The following TACC3 variants were observed in gnomAD, a reference collection of about 807,000 sequenced individuals.
TACC3 encodes transforming acidic coiled-coil-containing protein 3.
In TACC3, 52 loss-of-function variants were observed where a neutral mutation model predicts 86.0. The ratio of observed to expected loss-of-function variants is 0.60; its 90% confidence interval spans 0.48 to 0.76. The LOEUF is 0.76. Among genes scored for constraint, TACC3 ranks in the 30% least tolerant of loss-of-function variants. TACC3 has a pLI of 0.00. For missense variants in TACC3, 1,120 were observed against 1,070.4 expected (o/e 1.05, Z -0.65); for synonymous variants, 512 against 430.0 (o/e 1.19, Z -2.36).
In TACC3 at chr4:1,735,014, C is replaced by G. The variant is rs1329716251; in HGVS notation, c.1592-259C>G. Among the ~76,000 whole-genome samples the G allele has an allele frequency of 6.6e-6, 1 of 152,258 alleles. No homozygotes were observed. The highest frequency in any genetic ancestry group is 1.5e-5 in the Non-Finnish European group (1 of 68,048). ...GAGCAGTTTTGCCCCCGCCTTTCCC[C>G]AGATGTTTGTGGTTGTCACACCTGG... On this transcript the variant is annotated intron_variant, in intron 6 of 15. Transcript: ENST00000313288. This position sits in a 1 kb window ranked among gnomAD's most constrained non-coding sequence, Gnocchi z 4.2.
intron 13 of TACC3, 124 bp from the exon 14 acceptor site, chr4:1,744,394 G>A: frequency 1.2e-6 from 1 of 832,804 alleles, no homozygotes; most frequent in Non-Finnish European, 1.9e-6. Flanking sequence ...AAGGAAAACG[G>A]GAGCTACTGG....
chr4:1,743,178 A>G (rs1395719911), intron 13 of TACC3, among the ~76,000 whole-genome samples: 2 of 125,644 alleles, frequency 1.6e-5, no homozygotes, highest in African/African-American at 6.2e-5. Flanking sequence ...AGGAGAATCA[A>G]TCAGGAGGTG....
intron 3 of TACC3, 23 bp downstream of exon 3, chr4:1,723,893 A>T (rs1470436243): frequency 6.2e-7 from 1 of 1,611,452 alleles, no homozygotes; most frequent in African/African-American, 1.3e-5. Context: ...GCTGCTGGAC[A>T]TGCTGGAGCT....
Position 1,739,782 on chromosome 4 carries a change from A to AGG in TACC3, c.2018+5_2018+6dup. 3 of 1,582,954 alleles carry AGG rather than the reference A, an allele frequency of 1.9e-6. No individual in the cohort carries two copies. Among genetic ancestry groups the AGG allele is most frequent in the Non-Finnish European group, 2.6e-6 (3 of 1,165,698 alleles). The stretch of plus-strand genomic sequence containing the variant: ...ACGGGAAGAACCTGGAACTGGGGTA[A>AGG]GGAGGCCCCGTCTCCTGTCCTCCCC... On this transcript the variant is annotated splice_donor_region_variant and intron_variant, in intron 11 of 15. Transcript: ENST00000313288.
chr4:1,735,742 G>A lies in TACC3; in HGVS notation c.1656G>A (p.Ser552=), dbSNP rs187744094. ...CCTCTTGTCCCCAGTTTAAGGAGTC[G>A]GCCTTGAGGAAGCAGTCCTTATACC... is the stretch of plus-strand genomic sequence containing the variant. ...EQFGTSSFKE[S]ALRKQSLYLK... The change falls in exon 8 of 16, where the codon TCG becomes TCA. Residue 552 remains serine (S), a synonymous_variant. Coordinates refer to ENST00000313288, the MANE Select transcript of TACC3 (RefSeq NM_006342.3). This position sits in a 1 kb window ranked among gnomAD's most constrained non-coding sequence, Gnocchi z 4.2. The A allele has an allele frequency of 3.1e-6, 5 of 1,612,838 alleles. No homozygotes were observed. Among genetic ancestry groups the A allele is most frequent in the African/African-American group, 1.3e-5 (1 of 74,982 alleles).
chr4:1,733,986 AAAAAG>A (rs916031894), intron 6 of TACC3, among the ~76,000 whole-genome samples: 3 of 152,040 alleles, frequency 2.0e-5, no homozygotes, highest in East Asian at 1.9e-4. Flanking sequence ...CAAAAAAAAA[AAAAAG>A]AAAAGAAAAC....
At chr4:1,741,191 G>A (rs891801044) in intron 13 of TACC3, 23 of 484,004 alleles carry the variant, frequency 4.8e-5, no homozygotes, top group Non-Finnish European at 6.9e-5. Context: ...GCGGCAGGAG[G>A]CAGAGTGAGC....
rs17681032 is a variant in TACC3, at chr4:1,735,344, C to A, written c.1644+19C>A. ...TTCCTCGGTAGGTACCAGGCAATTC[C>A]GCGAAGCCTCACCCACAGGGTGTCC... is the stretch of plus-strand genomic sequence containing the variant. On this transcript the variant is annotated intron_variant, in intron 7 of 15. Transcript: ENST00000313288. The surrounding 1 kb of genome is among the most constrained non-coding windows in gnomAD (Gnocchi z 4.2). The A allele has an allele frequency of 0.19, 302,560 of 1,613,496 alleles. 30,121 individuals are homozygous for A. Among genetic ancestry groups the A allele is most frequent in the African/African-American group, 0.21 (15,583 of 75,014 alleles).
At chr4:1,730,029 G>C (rs1441677663) in intron 4 of TACC3, among the ~76,000 whole-genome samples, 8 of 139,842 alleles carry the variant, frequency 5.7e-5, no homozygotes, top group African/African-American at 1.1e-4. Flanking sequence ...GTTTTTCCTA[G>C]GGTTATTTGT....
At chr4:1,722,084 C>A (rs1033128534) in intron 1 of TACC3, among the ~76,000 whole-genome samples, 3 of 152,168 alleles carry the variant, frequency 2.0e-5, no homozygotes, top group Non-Finnish European at 2.9e-5. Flanking sequence ...CCTACCGCTT[C>A]CCCGCACCTG....
At position 1,723,835 on chromosome 4, in the gene TACC3, G is replaced by A. The variant is rs1717546739; in HGVS notation, c.270G>A (p.Leu90=). ...TCACTCAGGATGACACCCTTGGACT[G>A]GAAAACTCACACCCGGTCTGGACAC... ...APFTQDDTLG[L]ENSHPVWTQK... The change falls in exon 3 of 16, where the codon CTG becomes CTA. Residue 90 remains leucine, a synonymous_variant. Coordinates refer to ENST00000313288, the MANE Select transcript of TACC3 (RefSeq NM_006342.3). 6.2e-7 allele frequency: 1 copy of A among 1,613,580 alleles called. No individual in the cohort carries two copies. Among genetic ancestry groups the A allele is most frequent in the African/African-American group, 1.3e-5 (1 of 75,064 alleles).
In TACC3 at chr4:1,723,427, TCTGC is replaced by T. The variant is rs1560290352; in HGVS notation, c.7_10del (p.Leu3ArgfsTer3). 6.2e-7 allele frequency: 1 copy of T among 1,612,942 alleles called. No individual in the cohort carries two copies. Among genetic ancestry groups the T allele is most frequent in the Non-Finnish European group, 8.5e-7 (1 of 1,179,682 alleles). On this transcript the variant is annotated frameshift_variant, in exon 2 of 16. Transcript: ENST00000313288. LOFTEE classifies it high-confidence loss of function. The stretch of plus-strand genomic sequence containing the variant: ...ACATGTTCTGCTTTTCCAGAATGAG[TCTGC>T]AGGTCTTAAACGACAAAAATGTCAG...
rs564593317 is a variant in TACC3, at chr4:1,730,795, C to T, written c.1386-92C>T. 1,142 of 1,377,928 alleles carry T rather than the reference C, an allele frequency of 8.3e-4. 3 individuals are homozygous for T. The highest frequency in any genetic ancestry group is 2.1e-3 in the Admixed American group (117 of 56,684). 85.4% of individuals were successfully genotyped at this position (1,377,928 alleles called of 1,614,324 possible). ...TGTTCACGTGGCCGGCACAGCAGTGCAGGGAAAGGCGATGGCAGCTCAGTG... is the reference window on the plus strand; with the variant it reads ...TGTTCACGTGGCCGGCACAGCAGTGTAGGGAAAGGCGATGGCAGCTCAGTG... On this transcript the variant is annotated intron_variant, in intron 4 of 15. Coordinates refer to ENST00000313288, the MANE Select transcript of TACC3 (RefSeq NM_006342.3).
At chr4:1,737,525 T>G in intron 9 of TACC3, 73 bp from the exon 10 acceptor site, 1 of 1,280,206 alleles carries the variant, frequency 7.8e-7, no homozygotes, top group Non-Finnish European at 1.1e-6. Context: ...TGTGGGCCTT[T>G]CCTCCCTCAC....
At chr4:1,729,406 G>A (rs1366126803) in intron 4 of TACC3, among the ~76,000 whole-genome samples, 3 of 152,056 alleles carry the variant, frequency 2.0e-5, no homozygotes, top group Non-Finnish European at 4.4e-5. Context: ...CACGGAGATC[G>A]GTAATGGCCC....
At position 1,723,752 on chromosome 4, in the gene TACC3, G is replaced by C. The variant is rs1717542127; in HGVS notation, c.187G>C (p.Asp63His). ...GGTGACTTTTCAGACACCTCTGCGG[G>C]ATCCACAGACGCACAGGATTCTAAG... ...MKVTFQTPLR[D>H]PQTHRILSPS... Residue 63 changes from aspartate to histidine, a missense_variant, in exon 3 of 16, where the codon GAT becomes CAT. Asp to His is a moderately conservative substitution (Grantham distance 81). Transcript: ENST00000313288. 6.2e-7 allele frequency: 1 copy of C among 1,613,658 alleles called. No homozygotes were observed. The highest frequency in any genetic ancestry group is 8.5e-7 in the Non-Finnish European group (1 of 1,180,026).
chr4:1,737,137 A>G lies in TACC3; in HGVS notation c.1749-104A>G. On this transcript the variant is annotated intron_variant, in intron 8 of 15. Transcript: ENST00000313288. ...CCACTACCCTGACTTGAGTGGTTTT[A>G]AACTAAAAAGCAAAGAGCCCGGTTA... is the stretch of plus-strand genomic sequence containing the variant. 3 of 948,472 alleles carry G rather than the reference A, an allele frequency of 3.2e-6. No individual in the cohort carries two copies. The South Asian group carries it at 4.3e-5, about 14-fold the overall frequency. The allele number at this position is 948,472 out of a possible 1,614,324, so 58.8% of individuals were successfully genotyped here.
At chr4:1,723,698 A>ATAGG (rs1334980624) in intron 2 of TACC3, 30 bp from the exon 3 acceptor site, 2 of 1,613,226 alleles carry the variant, frequency 1.2e-6, no homozygotes, top group Non-Finnish European at 8.5e-7. Flanking sequence ...GAACTAATGA[A>ATAGG]TAGGTGCTCT....
chr4:1,740,042 G>C (rs751479383), intron 12 of TACC3, 40 bp downstream of exon 12: 8 of 1,609,624 alleles, frequency 5.0e-6, no homozygotes, highest in Non-Finnish European at 5.9e-6. Flanking sequence ...CCTCCACGAG[G>C]GGCTGCCTAT....
Sources: allele counts gnomAD v4.1 joint callset (sites outside exome capture counted in the v4.1 genomes callset), GRCh38; gene constraint gnomAD v4.1.1; non-coding constraint Gnocchi (gnomAD v3.1); transcripts MANE v1.5; gene names NCBI Gene and HGNC (gene_info 2026-07-23, HGNC 2026-07-21).